Variants in TNFSF14 observed in about 807,000 individuals in gnomAD.
The protein encoded by TNFSF14 is tumor necrosis factor ligand superfamily member 14.
TNFSF14 carries 15 observed loss-of-function variants against 22.7 expected under a neutral mutation model. The ratio of observed to expected loss-of-function variants is 0.66; its 90% CI spans 0.44 to 1.02. TNFSF14 has a LOEUF of 1.02. TNFSF14 is among the 50% of genes least tolerant of loss of function. TNFSF14 has a pLI of 0.00. For synonymous variants in TNFSF14, 133 were observed against 139.6 expected (o/e 0.95, Z 0.33); for missense variants, 287 against 326.2 (o/e 0.88, Z 0.93).
chr19:6,669,263 C>G (rs1268789350), intron 1 of TNFSF14, among the ~76,000 whole-genome samples: 2 of 152,188 alleles, frequency 1.3e-5, no homozygotes, highest in African/African-American at 4.8e-5. Flanking sequence ...GCGGGTGGAT[C>G]TCCTGAGGTC....
chr19:6,667,152 G>T lies in TNFSF14; in HGVS notation c.259C>A (p.Arg87=). Residue 87 remains arginine (R), a splice_region_variant and synonymous_variant, in exon 3 of 4, where the codon CGA becomes AGA. Transcript: ENST00000675206. The part of the protein sequence containing the change: ...AGSWEQLIQE[R]RSHEVNPAAH... ...GCTGGGTTGACCTCGTGAGACCTTC[G>T]CTCTGGGGAAAGAGGGTCAGAGGTT... The T allele has an allele frequency of 6.3e-7, 1 of 1,589,368 alleles. No homozygotes were observed. The highest frequency in any genetic ancestry group is 2.3e-5 in the East Asian group (1 of 42,966).
Position 6,665,242 on chromosome 19 carries a change from G to A in TNFSF14, c.407C>T (p.Thr136Ile), listed in dbSNP as rs1383129038. Residue 136 changes from threonine (T) to isoleucine (I), a missense_variant, in exon 4 of 4, where the codon ACC (threonine) becomes ATC (isoleucine). Thr to Ile is a moderately conservative substitution (Grantham distance 89). Coordinates refer to ENST00000675206, the MANE Select transcript of TNFSF14 (RefSeq NM_001376887.1). ...LSYHDGALVV[T>I]KAGYYYIYSK... ...GTAGATGTAGTAGTAGCCAGCTTTG[G>A]TGACCACAAGGGCCCCATCGTGGTA... 6.2e-7 allele frequency: 1 copy of A among 1,614,132 alleles called. No homozygotes were observed. Among genetic ancestry groups the A allele is most frequent in the Non-Finnish European group, 8.5e-7 (1 of 1,180,050 alleles).
Position 6,665,239 on chromosome 19 carries a change from T to A in TNFSF14, c.410A>T (p.Lys137Ile), listed in dbSNP as rs752550068. Residue 137 changes from lysine to isoleucine, a missense_variant, in exon 4 of 4, where the codon AAA (lysine) becomes ATA (isoleucine). Transcript: ENST00000675206. Reference protein sequence around the residue: ...SYHDGALVVTKAGYYYIYSKV... With the variant: ...SYHDGALVVTIAGYYYIYSKV... ...GGAGTAGATGTAGTAGTAGCCAGCT[T>A]TGGTGACCACAAGGGCCCCATCGTG... 5 of 1,614,122 alleles carry A rather than the reference T, an allele frequency of 3.1e-6. No individual in the cohort carries two copies. The South Asian group carries it at 4.4e-5, about 14-fold the overall frequency.
At chr19:6,668,206 T>C (rs756233727) in intron 1 of TNFSF14, among the ~76,000 whole-genome samples, 7 of 150,126 alleles carry the variant, frequency 4.7e-5, no homozygotes, top group Non-Finnish European at 1.0e-4. Context: ...TACAAAAAAT[T>C]TTTAAGATTA....
At chr19:6,668,531 C>G (rs867688455) in intron 1 of TNFSF14, among the ~76,000 whole-genome samples, 1 of 152,040 alleles carries the variant, frequency 6.6e-6, no homozygotes, top group Non-Finnish European at 1.5e-5. Context: ...CATGGTGAAA[C>G]CCCGTCTGTA....
intron 3 of TNFSF14, among the ~76,000 whole-genome samples, chr19:6,665,761 T>TTG (rs951381170): frequency 1.3e-4 from 19 of 147,958 alleles, no homozygotes; most frequent in Non-Finnish European, 2.4e-4. Context: ...ACTAGGCTGT[T>TTG]TGTGTGTGTG....
In TNFSF14 at chr19:6,663,659, T is replaced by A. The variant is rs146078425; in HGVS notation, c.*1267A>T. On this transcript the variant is annotated 3_prime_UTR_variant, in exon 4 of 4. Coordinates refer to ENST00000675206, the MANE Select transcript of TNFSF14 (RefSeq NM_001376887.1). The stretch of plus-strand genomic sequence containing the variant: ...TGCTTGTGTTATAACATACACACAG[T>A]GCTGTGACTGTCTGTGATGCCGTCT... 1,462 of 152,718 alleles carry A rather than the reference T, an allele frequency of 9.6e-3. 10 individuals carry two copies. The highest frequency in any genetic ancestry group is 0.014 in the Non-Finnish European group (938 of 68,064). The allele number at this position is 152,718 out of a possible 1,614,324, so 9.5% of individuals were successfully genotyped here. A position where few individuals can be genotyped will look rare whatever the true frequency, so the allele number is the denominator to read the frequency against.
chr19:6,667,291 G>T lies in TNFSF14; in HGVS notation c.256+122C>A, dbSNP rs562957683. 39 of 1,436,452 alleles carry T rather than the reference G, an allele frequency of 2.7e-5. No homozygotes were observed. The Admixed American group carries it at 1.0e-3, about 37-fold the overall frequency. 89.0% of individuals were successfully genotyped at this position (1,436,452 alleles called of 1,614,324 possible). On this transcript the variant is annotated intron_variant, in intron 2 of 3. Coordinates refer to ENST00000675206, the MANE Select transcript of TNFSF14 (RefSeq NM_001376887.1). ...ACCCAAACTTCTGCTTCTCAGGCCTGGGGGAGGGGCACCTGTGAGGATTTG... is the reference window on the plus strand; with the variant it reads ...ACCCAAACTTCTGCTTCTCAGGCCTTGGGGAGGGGCACCTGTGAGGATTTG...
upstream of TNFSF14, chr19:6,670,442 G>A (rs1297409419): frequency 1.7e-5 from 5 of 299,760 alleles, no homozygotes; most frequent in African/African-American, 1.1e-4. Flanking sequence ...CTCTCGGTGT[G>A]GGGGATGCAG....
At position 6,662,804 on chromosome 19, in the gene TNFSF14, G is replaced by A. The variant is rs1487543683; in HGVS notation, c.*2122C>T. On this transcript the variant is annotated 3_prime_UTR_variant, in exon 4 of 4. Transcript: ENST00000675206. ...ATGCTTCCAGCTGGCTTGGCGGATTGTCATTCTGTCCTGGATGTGTCTAAT... is the reference window on the plus strand; with the variant it reads ...ATGCTTCCAGCTGGCTTGGCGGATTATCATTCTGTCCTGGATGTGTCTAAT... The A allele has an allele frequency of 6.6e-6, 1 of 152,242 alleles. No homozygotes were observed. Among genetic ancestry groups the A allele is most frequent in the Non-Finnish European group, 1.5e-5 (1 of 68,076 alleles). 9.4% of individuals were successfully genotyped at this position (152,242 alleles called of 1,614,324 possible).
intron 1 of TNFSF14, 54 bp from the exon 2 acceptor site, chr19:6,667,503 C>T (rs570088368): frequency 2.1e-5 from 32 of 1,556,908 alleles, no homozygotes; most frequent in South Asian, 1.7e-4. Context: ...GCCACGCCCT[C>T]GCATTGCTCA....
chr19:6,669,360 G>A (rs1300745798), intron 1 of TNFSF14, among the ~76,000 whole-genome samples: 1 of 152,140 alleles, frequency 6.6e-6, no homozygotes, highest in African/African-American at 2.4e-5. Context: ...GCGCATGCCT[G>A]TAATCCCAGC....
In TNFSF14 at chr19:6,664,782, C is replaced by T. The variant is rs896637834; in HGVS notation, c.*144G>A. The T allele has an allele frequency of 4.8e-6, 5 of 1,036,412 alleles. No individual in the cohort carries two copies. The highest frequency in any genetic ancestry group is 2.4e-5 in the East Asian group (1 of 40,972). 64.2% of individuals were successfully genotyped at this position (1,036,412 alleles called of 1,614,324 possible). On this transcript the variant is annotated 3_prime_UTR_variant, in exon 4 of 4. Coordinates refer to ENST00000675206, the MANE Select transcript of TNFSF14 (RefSeq NM_001376887.1). This position sits in a 1 kb window ranked among gnomAD's most constrained non-coding sequence, Gnocchi z 4.7. ...CTCGAACTCCTGACCTCAGGTGATC[C>T]GCCTGCCTTGGCCTCCCAAAGTGCT...
chr19:6,665,283 G>T lies in TNFSF14; in HGVS notation c.366C>A (p.Phe122Leu). 1 of 1,613,108 alleles carries T rather than the reference G, an allele frequency of 6.2e-7. No individual in the cohort carries two copies. The change falls in exon 4 of 4, where the codon TTC becomes TTA. Residue 122 changes from phenylalanine to leucine, a missense_variant. Coordinates refer to ENST00000675206, the MANE Select transcript of TNFSF14 (RefSeq NM_001376887.1). ...CATCGTGGTAGCTGAGGCCCCTCAG[G>T]AAGGCCAGGCCCAGCTGAGTCTCCC... is the stretch of plus-strand genomic sequence containing the variant. ...LLWETQLGLAFLRGLSYHDGA... is the reference protein window; with the variant it reads ...LLWETQLGLALLRGLSYHDGA...
Position 6,661,945 on chromosome 19 carries a change from C to G in TNFSF14, c.*2981G>C, listed in dbSNP as rs1215364731. The G allele has an allele frequency of 6.6e-6, 1 of 152,220 alleles. No individual in the cohort carries two copies. 9.4% of individuals were successfully genotyped at this position (152,220 alleles called of 1,614,324 possible). A position where few individuals can be genotyped will look rare whatever the true frequency, so the allele number is the denominator to read the frequency against. On this transcript the variant is annotated 3_prime_UTR_variant, in exon 4 of 4. Coordinates refer to ENST00000675206, the MANE Select transcript of TNFSF14 (RefSeq NM_001376887.1). ...TGCTGAGTAAACTTCGTGGTGTGTGCCTGCATTTCCACTGCAATCTATCAC... is the reference window on the plus strand; with the variant it reads ...TGCTGAGTAAACTTCGTGGTGTGTGGCTGCATTTCCACTGCAATCTATCAC...
intron 3 of TNFSF14, 66 bp downstream of exon 3, chr19:6,667,047 C>T (rs369183932): frequency 7.6e-5 from 120 of 1,571,076 alleles, no homozygotes; most frequent in Admixed American, 1.2e-4. Context: ...ATATGTATGG[C>T]GTTTATCTGG....
chr19:6,667,489 G>A (rs764683602), intron 1 of TNFSF14, 40 bp from the exon 2 acceptor site: 19 of 1,568,190 alleles, frequency 1.2e-5, no homozygotes, highest in Admixed American at 2.1e-5. Context: ...AACCTGCAGC[G>A]GGGGCCACGC....
Position 6,670,135 on chromosome 19 carries a change from C to T in TNFSF14, c.-66G>A. Reference sequence around the variant, plus strand: ...TCAACCTCAGAGGAAACCGAAATTGCTCAACACTCCTGGGCTGTGCACGCT... The same window carrying T: ...TCAACCTCAGAGGAAACCGAAATTGTTCAACACTCCTGGGCTGTGCACGCT... On this transcript the variant is annotated 5_prime_UTR_variant, in exon 1 of 4. Coordinates refer to ENST00000675206, the MANE Select transcript of TNFSF14 (RefSeq NM_001376887.1). 1.3e-6 allele frequency: 2 copies of T among 1,587,966 alleles called. No individual in the cohort carries two copies. The highest frequency in any genetic ancestry group is 1.7e-6 in the Non-Finnish European group (2 of 1,163,084).
chr19:6,670,107 C>A lies in TNFSF14; in HGVS notation c.-38G>T. The A allele has an allele frequency of 6.2e-7, 1 of 1,604,880 alleles. No individual in the cohort carries two copies. The highest frequency in any genetic ancestry group is 1.1e-5 in the South Asian group (1 of 90,916). On this transcript the variant is annotated 5_prime_UTR_variant, in exon 1 of 4. Transcript: ENST00000675206. ...TGGAGCAGGGCTGACACGCCTGGGT[C>A]CTTCAACCTCAGAGGAAACCGAAAT...
Sources: allele counts gnomAD v4.1 joint callset (sites outside exome capture counted in the v4.1 genomes callset), GRCh38; gene constraint gnomAD v4.1.1; non-coding constraint Gnocchi (gnomAD v3.1); transcripts MANE v1.5; gene names NCBI Gene and HGNC (gene_info 2026-07-23, HGNC 2026-07-21).